Variants in CA12 observed in about 807,000 individuals in gnomAD.
CA12 encodes the protein carbonate dehydratase XII.
Under a neutral mutation model 46.8 loss-of-function variants are expected in CA12, and 36 were observed. That is an observed-to-expected ratio of 0.77 (90% CI 0.59 to 1.02). CA12 has a LOEUF of 1.02. Among genes scored for constraint, CA12 ranks in the 50% least tolerant of loss-of-function variants. The probability of loss-of-function intolerance (pLI) is 0.00; values close to 1 mark genes in which losing one functional copy is unlikely to be tolerated. For synonymous variants in CA12, 202 were observed against 187.0 expected (o/e 1.08, Z -0.65); for missense variants, 436 against 451.4 (o/e 0.97, Z 0.31).
chr15:63,380,889 G>A (rs965205284), intron 1 of CA12, among the ~76,000 whole-genome samples: 19 of 152,126 alleles, frequency 1.2e-4, no homozygotes, highest in African/African-American at 9.7e-5. Context: ...TCACTGGCCC[G>A]GCGTGAGCCC....
intron 2 of CA12, among the ~76,000 whole-genome samples, chr15:63,353,550 G>A (rs998092153): frequency 6.6e-5 from 10 of 152,132 alleles, no homozygotes; most frequent in African/African-American, 2.4e-4. Context: ...CCTGTTGGGA[G>A]GCTAGTACCT....
At position 63,339,059 on chromosome 15, in the gene CA12, T is replaced by G; in HGVS notation, c.748-114A>C. On this transcript the variant is annotated intron_variant, in intron 7 of 10. Transcript: ENST00000178638. The surrounding 1 kb of genome is among the most constrained non-coding windows in gnomAD (Gnocchi z 4.3). ...GGGAGAAGCCTCTGGAACCAGCTTC[T>G]GTGGGGCCGGGTGGGAGATATTAGA... is the stretch of plus-strand genomic sequence containing the variant. The G allele has an allele frequency of 7.5e-7, 1 of 1,336,936 alleles. No homozygotes were observed. The highest frequency in any genetic ancestry group is 1.0e-6 in the Non-Finnish European group (1 of 954,834). The allele number at this position is 1,336,936 out of a possible 1,614,324, so 82.8% of individuals were successfully genotyped here.
rs372348150 is a variant in CA12, at chr15:63,355,854, C to T, written c.107-9145G>A. On this transcript the variant is annotated intron_variant, in intron 2 of 10. Transcript: ENST00000178638. This position sits in a 1 kb window ranked among gnomAD's most constrained non-coding sequence, Gnocchi z 4.1. ...GTTAAGTCCACAGCCCTGTAGCCAC[C>T]GCCCTCGCAAGACATCCTGCTCTGT... 1.8e-4 allele frequency among the ~76,000 whole-genome samples: 27 copies of T among 152,242 alleles called. No homozygotes were observed. Among genetic ancestry groups the T allele is most frequent in the Admixed American group, 5.9e-4 (9 of 15,300 alleles).
At chr15:63,361,946 T>C (rs1375734150) in intron 2 of CA12, among the ~76,000 whole-genome samples, 2 of 152,224 alleles carry the variant, frequency 1.3e-5, no homozygotes, top group Admixed American at 1.3e-4. Flanking sequence ...GAGGCTTCTT[T>C]CCCTTTTCTT....
intron 2 of CA12, among the ~76,000 whole-genome samples, chr15:63,354,298 A>G (rs1256629179): frequency 2.6e-5 from 4 of 152,256 alleles, no homozygotes; most frequent in African/African-American, 4.8e-5. Flanking sequence ...TAAAGCTCAA[A>G]GCTGGACTTG....
intron 1 of CA12, 52 bp from the exon 2 acceptor site, chr15:63,375,730 G>C: frequency 7.3e-7 from 1 of 1,373,384 alleles, no homozygotes; most frequent in Admixed American, 1.7e-5. Flanking sequence ...GATGAGTAAT[G>C]GAAAACACTA....
Position 63,322,657 on chromosome 15 carries a change from G to C in CA12, c.*3628C>G, listed in dbSNP as rs1210249707. On this transcript the variant is annotated 3_prime_UTR_variant, in exon 11 of 11. Transcript: ENST00000178638. The surrounding 1 kb of genome is among the most constrained non-coding windows in gnomAD (Gnocchi z 4.1). ...GGGAGATGAGAGATGCTCATTTCCT[G>C]CTCCAGGAGTGCTCTCCCCAGTGGG... 1 of 152,228 alleles carries C rather than the reference G, an allele frequency of 6.6e-6. No homozygotes were observed. The highest frequency in any genetic ancestry group is 1.5e-5 in the Non-Finnish European group (1 of 68,054). The allele number at this position is 152,228 out of a possible 1,614,324, so 9.4% of individuals were successfully genotyped here.
chr15:63,326,161 G>T lies in CA12; in HGVS notation c.*124C>A. 1.3e-6 allele frequency: 1 copy of T among 788,474 alleles called. No homozygotes were observed. Among genetic ancestry groups the T allele is most frequent in the Non-Finnish European group, 2.2e-6 (1 of 451,034 alleles). 48.8% of individuals were successfully genotyped at this position (788,474 alleles called of 1,614,324 possible). On this transcript the variant is annotated 3_prime_UTR_variant, in exon 11 of 11. Transcript: ENST00000178638. The stretch of plus-strand genomic sequence containing the variant: ...AGGCACCCAGCAGAGGATCCCTGAG[G>T]CCTGGCATGTTTGCAGATTGAGCTA...
chr15:63,334,709 G>GA (rs1202690196), intron 8 of CA12, among the ~76,000 whole-genome samples: 1 of 152,106 alleles, frequency 6.6e-6, no homozygotes, highest in Non-Finnish European at 1.5e-5. Context: ...ATAAAGGGGG[G>GA]ATCCTGAAGA....
At chr15:63,369,333 A>T (rs991758534) in intron 2 of CA12, among the ~76,000 whole-genome samples, 18 of 152,312 alleles carry the variant, frequency 1.2e-4, no homozygotes, top group South Asian at 2.1e-4. Context: ...CTTTCCCTCC[A>T]TATTAGTTCA....
chr15:63,326,726 CAT>C (rs1180541513), intron 10 of CA12, among the ~76,000 whole-genome samples: 3 of 152,044 alleles, frequency 2.0e-5, no homozygotes, highest in Non-Finnish European at 2.9e-5. Flanking sequence ...ACAATAAAAA[CAT>C]GGACAAAGGG....
intron 8 of CA12, among the ~76,000 whole-genome samples, chr15:63,334,050 C>G (rs1168503845): frequency 6.6e-6 from 1 of 152,038 alleles, no homozygotes; most frequent in Non-Finnish European, 1.5e-5. Flanking sequence ...AACCAAGAAC[C>G]AGGCCAAAGC....
chr15:63,325,189 G>C lies in CA12; in HGVS notation c.*1096C>G, dbSNP rs73447435. 2.1e-4 allele frequency: 32 copies of C among 152,332 alleles called. No homozygotes were observed. The highest frequency in any genetic ancestry group is 7.5e-4 in the African/African-American group (31 of 41,566). The allele number at this position is 152,332 out of a possible 1,614,324, so 9.4% of individuals were successfully genotyped here. A position where few individuals can be genotyped will look rare whatever the true frequency, so the allele number is the denominator to read the frequency against. ...AACCACGATTTGACATCTTCAGAGA[G>C]AGAGAAGTAGATAAAAGTCTCCATT... is the stretch of plus-strand genomic sequence containing the variant. On this transcript the variant is annotated 3_prime_UTR_variant, in exon 11 of 11. Coordinates refer to ENST00000178638, the MANE Select transcript of CA12 (RefSeq NM_001218.5). The surrounding 1 kb of genome is among the most constrained non-coding windows in gnomAD (Gnocchi z 4.9).
Position 63,330,353 on chromosome 15 carries a change from A to G in CA12, c.875-2223T>C, listed in dbSNP as rs1411919360. On this transcript the variant is annotated intron_variant, in intron 8 of 10. Transcript: ENST00000178638. This position sits in a 1 kb window ranked among gnomAD's most constrained non-coding sequence, Gnocchi z 4.0. Reference sequence around the variant, plus strand: ...CAGAGACCATGGTCCCTGGAATCTTAAAAAAACAAACATAATAAACCTAGC... The same window carrying G: ...CAGAGACCATGGTCCCTGGAATCTTGAAAAAACAAACATAATAAACCTAGC... Among the ~76,000 whole-genome samples the G allele has an allele frequency of 1.3e-5, 2 of 152,170 alleles. No individual in the cohort carries two copies. The highest frequency in any genetic ancestry group is 2.9e-5 in the Non-Finnish European group (2 of 68,020).
rs2038912584 is a variant in CA12 at position 63,329,842 on chromosome 15, C to T, written c.875-1712G>A. Among the ~76,000 whole-genome samples the T allele has an allele frequency of 6.6e-6, 1 of 152,176 alleles. No homozygotes were observed. Among genetic ancestry groups the T allele is most frequent in the Non-Finnish European group, 1.5e-5 (1 of 68,040 alleles). ...TTTTGCTCACTGCCCCTTCTCCTGT[C>T]GTATGGCCCAAGTCTAGCTGATTCC... On this transcript the variant is annotated intron_variant, in intron 8 of 10. Transcript: ENST00000178638. The surrounding 1 kb of genome is among the most constrained non-coding windows in gnomAD (Gnocchi z 4.8).
In CA12 at chr15:63,341,894, C is replaced by T. The variant is rs949594212; in HGVS notation, c.525+108G>A. ...CCCTGCTCTGGAGTTGACACGGAGT[C>T]GATACAGGAACAGCTGATTATCAAC... On this transcript the variant is annotated intron_variant, in intron 5 of 10. Coordinates refer to ENST00000178638, the MANE Select transcript of CA12 (RefSeq NM_001218.5). This position sits in a 1 kb window ranked among gnomAD's most constrained non-coding sequence, Gnocchi z 5.2. 24 of 785,572 alleles carry T rather than the reference C, an allele frequency of 3.1e-5. No homozygotes were observed. The highest frequency in any genetic ancestry group is 2.9e-4 in the African/African-American group (17 of 58,464). The allele number at this position is 785,572 out of a possible 1,614,324, so 48.7% of individuals were successfully genotyped here. A position where few individuals can be genotyped will look rare whatever the true frequency, so the allele number is the denominator to read the frequency against.
intron 2 of CA12, 90 bp downstream of exon 2, chr15:63,375,568 T>C: frequency 1.2e-6 from 1 of 857,776 alleles, no homozygotes; most frequent in Non-Finnish European, 1.9e-6. Context: ...CAAAATCACC[T>C]CCACAGAGCA....
At chr15:63,333,197 G>A (rs1308424464) in intron 8 of CA12, among the ~76,000 whole-genome samples, 1 of 152,236 alleles carries the variant, frequency 6.6e-6, no homozygotes, top group African/African-American at 2.4e-5. Context: ...ACAGTTTTGG[G>A]GGCTGAGGCT....
Position 63,345,668 on chromosome 15 carries a change from T to G in CA12, c.287-49A>C, listed in dbSNP as rs2039138073. ...TTCAGAGCCCCGGCCAGCTGTGCAC[T>G]GCCAGAGAGCAGTCAGGTAGGCAAT... On this transcript the variant is annotated intron_variant, in intron 3 of 10. Transcript: ENST00000178638. The surrounding 1 kb of genome is among the most constrained non-coding windows in gnomAD (Gnocchi z 4.3). The G allele has an allele frequency of 6.3e-7, 1 of 1,590,324 alleles. No individual in the cohort carries two copies. The highest frequency in any genetic ancestry group is 1.1e-5 in the South Asian group (1 of 88,772).
Sources: gnomAD v4.1 joint callset for allele counts (sites outside exome capture counted in the v4.1 genomes callset) on GRCh38, gnomAD v4.1.1 for gene constraint, Gnocchi (gnomAD v3.1) non-coding constraint, MANE v1.5 for transcripts, NCBI Gene and HGNC (gene_info 2026-07-23, HGNC 2026-07-21) for gene names.